LRRC7: variants seen among roughly 807,000 people sequenced by gnomAD.
The protein encoded by LRRC7 is leucine rich repeat containing 7.
LRRC7 carries 23 observed loss-of-function variants against 175.7 expected under a neutral mutation model. The ratio of observed to expected loss-of-function variants is 0.13; its 90% CI spans 0.09 to 0.19. The LOEUF is 0.19. Among genes scored for constraint, LRRC7 ranks in the 10% least tolerant of loss-of-function variants. The pLI, the probability that LRRC7 is intolerant of heterozygous loss-of-function variation, is 1.00. For missense variants in LRRC7, 1,354 were observed against 1,904.7 expected, an observed-to-expected ratio of 0.71 and a Z score of 5.38; for synonymous variants, 685 against 680.9, an observed-to-expected ratio of 1.01 and a Z score of -0.09.
chr1:69,847,722 T>C (rs548067470), intron 7 of LRRC7, among the ~76,000 whole-genome samples: 1 of 152,236 alleles, frequency 6.6e-6, no homozygotes, highest in South Asian at 2.1e-4. Context: ...CCCACATTGT[T>C]GCCCTACTTG....
chr1:69,747,092 G>A (rs926063834), intron 2 of LRRC7, among the ~76,000 whole-genome samples: 13 of 152,116 alleles, frequency 8.5e-5, no homozygotes, highest in African/African-American at 3.1e-4. Context: ...GCATACTCCA[G>A]TATGACTTCA....
intron 8 of LRRC7, among the ~76,000 whole-genome samples, chr1:69,951,763 A>G (rs576788122): frequency 1.3e-5 from 2 of 152,116 alleles, no homozygotes; most frequent in Admixed American, 6.6e-5. Flanking sequence ...ACAGAGAAGG[A>G]AACAACAAAC....
intron 8 of LRRC7, among the ~76,000 whole-genome samples, chr1:69,946,461 G>A (rs1206149009): frequency 6.6e-6 from 1 of 151,908 alleles, no homozygotes; most frequent in African/African-American, 2.4e-5. Context: ...TTTTTTTATT[G>A]ATCTGGAATG....
intron 10 of LRRC7, among the ~76,000 whole-genome samples, chr1:69,991,496 C>T (rs942978875): frequency 1.3e-5 from 2 of 152,062 alleles, no homozygotes; most frequent in East Asian, 3.9e-4. Flanking sequence ...TGCCACAGTC[C>T]CTGATTCTAA....
At chr1:70,028,025 C>G (rs943548755) in intron 17 of LRRC7, 146 bp from the exon 18 acceptor site, 1 of 680,974 alleles carries the variant, frequency 1.5e-6, no homozygotes, top group Non-Finnish European at 2.5e-6. Flanking sequence ...GAACACTATG[C>G]GTCCTACTCT....
At position 70,039,631 on chromosome 1, in the gene LRRC7, A is replaced by G. The variant is rs1308335529; in HGVS notation, c.3807A>G (p.Ile1269Met). 2 of 1,614,092 alleles carry G rather than the reference A, an allele frequency of 1.2e-6. No homozygotes were observed. Among genetic ancestry groups the G allele is most frequent in the Non-Finnish European group, 1.7e-6 (2 of 1,179,996 alleles). ...CTATGGCAGCTCTTTTGGAAAAAAT[A>G]CCATCTGACTATAACTTGGGTAACT... ...RPTMAALLEK[I>M]PSDYNLGNYG... Residue 1269 changes from isoleucine (I) to methionine (M), a missense_variant, in exon 21 of 27, where the codon ATA becomes ATG. Around this residue, in one of 4 missense-constraint regions of LRRC7, gnomAD observed 1,032 missense variants for 1,227.2 expected, o/e 0.84. Coordinates refer to ENST00000651989, the MANE Select transcript of LRRC7 (RefSeq NM_001370785.2).
intron 23 of LRRC7, among the ~76,000 whole-genome samples, chr1:70,074,333 G>A (rs1233406168): frequency 6.6e-6 from 1 of 152,108 alleles, no homozygotes; most frequent in Non-Finnish European, 1.5e-5. Context: ...TTCCATGGCA[G>A]CAAGCAAGAG....
intron 11 of LRRC7, among the ~76,000 whole-genome samples, chr1:70,010,675 A>G (rs1284041754): frequency 6.6e-6 from 1 of 152,246 alleles, no homozygotes; most frequent in Non-Finnish European, 1.5e-5. Flanking sequence ...CCTTCCTATT[A>G]TAATAATAGC....
chr1:70,092,434 T>C (rs544404424), intron 25 of LRRC7, among the ~76,000 whole-genome samples: 1 of 152,308 alleles, frequency 6.6e-6, no homozygotes, highest in East Asian at 1.9e-4. Flanking sequence ...TATATTATTT[T>C]CCTTACTGCT....
intron 5 of LRRC7, among the ~76,000 whole-genome samples, chr1:69,832,106 G>A (rs1451532173): frequency 6.6e-6 from 1 of 152,116 alleles, no homozygotes; most frequent in Non-Finnish European, 1.5e-5. Context: ...GTATTTGGGA[G>A]ATAAGCCCAG....
chr1:70,109,210 C>T (rs1233774038), intron 26 of LRRC7, among the ~76,000 whole-genome samples: 3 of 151,980 alleles, frequency 2.0e-5, no homozygotes, highest in Non-Finnish European at 2.9e-5. Context: ...TTAGTAGAGA[C>T]AGGGTTTCTC....
At chr1:69,742,832 CAAAT>C (rs1668855042) in intron 2 of LRRC7, among the ~76,000 whole-genome samples, 1 of 151,758 alleles carries the variant, frequency 6.6e-6, no homozygotes, top group African/African-American at 2.4e-5. Context: ...GTATAAATGA[CAAAT>C]AATTTTTTAA....
intron 1 of LRRC7, among the ~76,000 whole-genome samples, chr1:69,653,144 A>G (rs147989095): frequency 0.013 from 2,027 of 152,240 alleles, 24 homozygotes; most frequent in Middle Eastern, 0.041. Context: ...AATCAACAGA[A>G]TAAAAAGGCA....
chr1:69,642,761 A>T (rs906473879), intron 1 of LRRC7, among the ~76,000 whole-genome samples: 1 of 152,084 alleles, frequency 6.6e-6, no homozygotes, highest in Admixed American at 6.6e-5. Context: ...TGCAAAAGTC[A>T]TTGTATCAGT....
chr1:69,812,257 T>TA (rs1677984269), intron 4 of LRRC7, among the ~76,000 whole-genome samples: 2 of 152,084 alleles, frequency 1.3e-5, no homozygotes, highest in East Asian at 1.9e-4. Context: ...TATCCCAACG[T>TA]AGTTTAAATC....
intron 23 of LRRC7, among the ~76,000 whole-genome samples, chr1:70,068,029 T>C (rs910393397): frequency 3.3e-5 from 5 of 152,170 alleles, no homozygotes; most frequent in African/African-American, 1.2e-4. Flanking sequence ...CTTTTGAATT[T>C]TCTATCTAGA....
chr1:69,718,022 G>C (rs912306051), intron 2 of LRRC7, among the ~76,000 whole-genome samples: 2 of 142,164 alleles, frequency 1.4e-5, no homozygotes, highest in Non-Finnish European at 1.5e-5. Context: ...GCAGAGACTA[G>C]AAAGAAAAAG....
chr1:69,854,614 T>C (rs547100725), intron 7 of LRRC7, among the ~76,000 whole-genome samples: 1 of 152,264 alleles, frequency 6.6e-6, no homozygotes, highest in South Asian at 2.1e-4. Context: ...AATCCAGATA[T>C]CCAGATATCT....
intron 4 of LRRC7, among the ~76,000 whole-genome samples, chr1:69,798,537 T>A (rs1172757006): frequency 6.6e-6 from 1 of 152,170 alleles, no homozygotes; most frequent in Non-Finnish European, 1.5e-5. Flanking sequence ...CCTTTAATTT[T>A]TAAACTATTT....
Sources: allele counts gnomAD v4.1 joint callset (sites outside exome capture counted in the v4.1 genomes callset), GRCh38; gene constraint gnomAD v4.1.1; regional missense constraint gnomAD v4.1.1; transcripts MANE v1.5; gene names NCBI Gene and HGNC (gene_info 2026-07-23, HGNC 2026-07-21).